The following PALLD variants were observed in gnomAD, a reference collection of about 807,000 sequenced individuals.
The protein encoded by PALLD is palladin.
In PALLD, 61 loss-of-function variants were observed where a neutral mutation model predicts 123.5. The ratio of observed to expected loss-of-function variants is 0.49; its 90% CI spans 0.40 to 0.61. The LOEUF (loss-of-function observed/expected upper bound fraction) is 0.61. PALLD is among the 20% of genes least tolerant of loss of function. The probability of loss-of-function intolerance (pLI) is 0.00; values close to 1 mark genes in which losing one functional copy is unlikely to be tolerated. For missense variants in PALLD, 1,273 were observed against 1,377.0 expected (o/e 0.92, Z 1.20); for synonymous variants, 465 against 496.4 (o/e 0.94, Z 0.84).
intron 2 of PALLD, among the ~76,000 whole-genome samples, chr4:168,547,131 G>A (rs1371117571): frequency 1.3e-5 from 2 of 152,048 alleles, no homozygotes; most frequent in Non-Finnish European, 2.9e-5. Context: ...ACCTGACAAG[G>A]GGTTATAAGG....
At chr4:168,528,357 A>C (rs569450085) in intron 2 of PALLD, among the ~76,000 whole-genome samples, 99 of 152,352 alleles carry the variant, frequency 6.5e-4, no homozygotes, top group African/African-American at 2.4e-3. Flanking sequence ...TTCAACTCCA[A>C]TTCTATAACT....
chr4:168,817,014 G>A (rs532524392), intron 10 of PALLD, among the ~76,000 whole-genome samples: 2 of 152,256 alleles, frequency 1.3e-5, no homozygotes, highest in South Asian at 4.2e-4. Context: ...AAGTGTGTCA[G>A]GGACTCAAGG....
intron 2 of PALLD, among the ~76,000 whole-genome samples, chr4:168,556,246 C>T (rs1366500428): frequency 2.0e-5 from 3 of 152,098 alleles, no homozygotes; most frequent in Admixed American, 2.0e-4. Context: ...CAGGTGCCCA[C>T]CACCACGCCC....
chr4:168,833,475 A>C (rs1223910383), intron 10 of PALLD, among the ~76,000 whole-genome samples: 1 of 152,162 alleles, frequency 6.6e-6, no homozygotes, highest in Non-Finnish European at 1.5e-5. Context: ...TAGCACGAGA[A>C]AAGGACAGAG....
At position 168,685,568 on chromosome 4, in the gene PALLD, T is replaced by C. The variant is rs1226650194; in HGVS notation, c.1335+9T>C. The C allele has an allele frequency of 5.1e-6, 8 of 1,566,166 alleles. No individual in the cohort carries two copies. In the South Asian group the frequency reaches 8.9e-5, roughly 17 times the overall value. On this transcript the variant is annotated intron_variant, in intron 6 of 21. Transcript: ENST00000505667. The stretch of plus-strand genomic sequence containing the variant: ...CTCCTGTTTTTACAAAGGTCTGACA[T>C]CTGGAAGTCTCATTCTCTGTGTTTG...
chr4:168,890,870 G>T, intron 10 of PALLD, 52 bp from the exon 11 acceptor site: 1 of 1,602,464 alleles, frequency 6.2e-7, no homozygotes, highest in South Asian at 1.1e-5. Flanking sequence ...CGTTTGACTT[G>T]GATTTATATG....
At chr4:168,890,793 C>A in intron 10 of PALLD, 129 bp from the exon 11 acceptor site, 1 of 932,014 alleles carries the variant, frequency 1.1e-6, no homozygotes, top group Non-Finnish European at 1.8e-6. Flanking sequence ...ATAGTTGCAA[C>A]AGATGTAGCA....
In PALLD at chr4:168,708,035, T is replaced by C. The variant is rs1381256628; in HGVS notation, c.1502-993T>C. 2.0e-5 allele frequency among the ~76,000 whole-genome samples: 3 copies of C among 152,190 alleles called. No homozygotes were observed. In the East Asian group the frequency reaches 5.8e-4, roughly 29 times the overall value. On this transcript the variant is annotated intron_variant, in intron 8 of 21. Transcript: ENST00000505667. ...TCACAAAAGTAGGTGGTGGTTAGGG[T>C]TTGGAGTCTGGACCCCAGCTTGCTT...
At chr4:168,596,495 C>T (rs1385951786) in intron 2 of PALLD, among the ~76,000 whole-genome samples, 1 of 152,002 alleles carries the variant, frequency 6.6e-6, no homozygotes, top group Non-Finnish European at 1.5e-5. Flanking sequence ...ATGAGGTTGG[C>T]ATGGTTCACT....
intron 2 of PALLD, among the ~76,000 whole-genome samples, chr4:168,520,070 T>C (rs1763381913): frequency 6.6e-6 from 1 of 151,922 alleles, no homozygotes; most frequent in Non-Finnish European, 1.5e-5. Context: ...CTCATGCCTG[T>C]AATCCCAGCA....
chr4:168,551,252 G>A (rs1451977054), intron 2 of PALLD, among the ~76,000 whole-genome samples: 9 of 151,802 alleles, frequency 5.9e-5, no homozygotes, highest in African/African-American at 9.7e-5. Context: ...TTTCTCTTTC[G>A]TGAATTGTTT....
intron 2 of PALLD, among the ~76,000 whole-genome samples, chr4:168,583,604 A>G (rs188045956): frequency 6.6e-6 from 1 of 152,160 alleles, no homozygotes; most frequent in Non-Finnish European, 1.5e-5. Flanking sequence ...CCAGTGCACC[A>G]ATCAGTTTGA....
chr4:168,838,565 T>C (rs1415993200), intron 10 of PALLD, among the ~76,000 whole-genome samples: 1 of 151,966 alleles, frequency 6.6e-6, no homozygotes, highest in Admixed American at 6.6e-5. Flanking sequence ...ACACTCAGGA[T>C]CTGCCCATGG....
At chr4:168,650,996 A>G (rs968276722) in intron 2 of PALLD, among the ~76,000 whole-genome samples, 2 of 152,240 alleles carry the variant, frequency 1.3e-5, no homozygotes, top group Non-Finnish European at 2.9e-5. Context: ...AACTTTAGAA[A>G]ATCAGATTTT....
intron 2 of PALLD, among the ~76,000 whole-genome samples, chr4:168,541,809 G>T (rs1278243473): frequency 6.6e-6 from 1 of 152,048 alleles, no homozygotes; most frequent in Non-Finnish European, 1.5e-5. Flanking sequence ...CCATTTGATT[G>T]CCCAATTATA....
chr4:168,887,125 A>AG (rs1560857977), intron 10 of PALLD, among the ~76,000 whole-genome samples: 1 of 149,436 alleles, frequency 6.7e-6, no homozygotes, highest in Non-Finnish European at 1.5e-5. Flanking sequence ...TCAAAAAAAA[A>AG]AAAAAAAGAA....
At chr4:168,526,901 T>C (rs1673063939) in intron 2 of PALLD, among the ~76,000 whole-genome samples, 1 of 152,096 alleles carries the variant, frequency 6.6e-6, no homozygotes, top group South Asian at 2.1e-4. Context: ...TAGAAGCAGA[T>C]GGCATGAGAA....
At chr4:168,682,775 G>T in intron 4 of PALLD, among the ~76,000 whole-genome samples, 2 of 151,918 alleles carry the variant, frequency 1.3e-5, no homozygotes, top group East Asian at 3.9e-4. Flanking sequence ...TGTCTATAAG[G>T]TACATTCTAT....
intron 2 of PALLD, among the ~76,000 whole-genome samples, chr4:168,625,506 T>TAGATAGATAGATAGATAGGTAGATAG (rs1351750406): frequency 1.2e-5 from 1 of 86,348 alleles, no homozygotes; most frequent in Non-Finnish European, 2.4e-5. Flanking sequence ...CCAGGAGATA[T>TAGATAGATAGATAGATAGGTAGATAG]ATATATATAT....
Sources: gnomAD v4.1 joint callset for allele counts (sites outside exome capture counted in the v4.1 genomes callset) on GRCh38, gnomAD v4.1.1 for gene constraint, MANE v1.5 for transcripts, NCBI Gene and HGNC (gene_info 2026-07-23, HGNC 2026-07-21) for gene names.